VTI1A: variants seen among roughly 807,000 people sequenced by gnomAD.
VTI1A encodes the protein vesicle transport through interaction with t-SNAREs 1A, also known as vesicle transport through interaction with t-SNAREs homolog 1A.
VTI1A carries 22 observed loss-of-function variants against 34.9 expected under a neutral mutation model. That is an observed-to-expected ratio of 0.63 (90% CI 0.45 to 0.90). The LOEUF is 0.90. Among genes scored for constraint, VTI1A ranks in the 40% least tolerant of loss-of-function variants. The pLI, the probability that VTI1A is intolerant of heterozygous loss-of-function variation, is 0.00. For missense variants in VTI1A, 268 were observed against 275.6 expected (o/e 0.97, Z 0.20); for synonymous variants, 87 against 97.3 (o/e 0.89, Z 0.62).
At chr10:112,752,290 G>A in intron 7 of VTI1A, 1 of 871,686 alleles carries the variant, frequency 1.1e-6, no homozygotes, top group Non-Finnish European at 1.4e-6. Context: ...TCCAGCCAGG[G>A]TCCCCTTCTC....
intron 5 of VTI1A, among the ~76,000 whole-genome samples, chr10:112,623,236 A>C (rs1845795420): frequency 6.6e-6 from 1 of 152,266 alleles, no homozygotes; most frequent in Non-Finnish European, 1.5e-5. Context: ...ATCCTTCTTA[A>C]GTAAACAGAA....
At chr10:112,613,204 A>G (rs1564848746) in intron 5 of VTI1A, among the ~76,000 whole-genome samples, 1 of 152,150 alleles carries the variant, frequency 6.6e-6, no homozygotes, top group Non-Finnish European at 1.5e-5. Flanking sequence ...TCAATATACT[A>G]TTTAATAATA....
At chr10:112,787,804 C>T (rs552577224) in intron 7 of VTI1A, among the ~76,000 whole-genome samples, 2 of 147,224 alleles carry the variant, frequency 1.4e-5, no homozygotes, top group Non-Finnish European at 3.0e-5. Context: ...TGTGTTCAAG[C>T]GATTCTCTTG....
chr10:112,628,232 A>AT (rs1166666246), intron 5 of VTI1A, among the ~76,000 whole-genome samples: 4 of 152,222 alleles, frequency 2.6e-5, no homozygotes, highest in African/African-American at 9.6e-5. Context: ...GTTGCTGGAC[A>AT]TTTTTTGTTT....
chr10:112,741,650 A>G (rs1850699105), intron 7 of VTI1A, among the ~76,000 whole-genome samples: 1 of 152,244 alleles, frequency 6.6e-6, no homozygotes, highest in Non-Finnish European at 1.5e-5. Context: ...AGATATTTTC[A>G]GATAAAAAAA....
intron 3 of VTI1A, among the ~76,000 whole-genome samples, chr10:112,526,517 T>C (rs1850229643): frequency 1.3e-5 from 2 of 152,184 alleles, no homozygotes; most frequent in African/African-American, 4.8e-5. Flanking sequence ...TTTAAATTAT[T>C]GTTTGTACAG....
chr10:112,782,524 T>C (rs1034636912), intron 7 of VTI1A, among the ~76,000 whole-genome samples: 3 of 152,248 alleles, frequency 2.0e-5, no homozygotes, highest in African/African-American at 7.2e-5. Context: ...TAGTGAAGTC[T>C]GGCTAAAGAG....
At chr10:112,745,695 G>A (rs1850873355) in intron 7 of VTI1A, among the ~76,000 whole-genome samples, 1 of 152,224 alleles carries the variant, frequency 6.6e-6, no homozygotes, top group East Asian at 1.9e-4. Context: ...AAAGGGAATA[G>A]TAGAAAGTCA....
chr10:112,783,587 C>A (rs772730833), intron 7 of VTI1A, among the ~76,000 whole-genome samples: 18 of 152,200 alleles, frequency 1.2e-4, no homozygotes, highest in Non-Finnish European at 2.2e-4. Context: ...GTTGCCGTGG[C>A]CTTTGGCTTC....
intron 7 of VTI1A, among the ~76,000 whole-genome samples, chr10:112,744,123 G>T (rs201743562): frequency 6.0e-4 from 91 of 152,290 alleles, no homozygotes; most frequent in African/African-American, 2.1e-3. Context: ...TTACGGAAAT[G>T]TCAATTTTAT....
intron 7 of VTI1A, among the ~76,000 whole-genome samples, chr10:112,671,238 A>G (rs1335940925): frequency 1.3e-5 from 2 of 152,136 alleles, no homozygotes; most frequent in African/African-American, 4.8e-5. Flanking sequence ...AGCCCTTGTG[A>G]GCTTGTGTTT....
At chr10:112,576,125 G>T (rs190178161) in intron 5 of VTI1A, among the ~76,000 whole-genome samples, 1 of 150,266 alleles carries the variant, frequency 6.7e-6, no homozygotes, top group Admixed American at 6.7e-5. Context: ...GGTTCACGCC[G>T]TTCTCCTGCC....
chr10:112,830,369 C>A, the VTI1A span, among the ~76,000 whole-genome samples: 2 of 151,332 alleles, frequency 1.3e-5, no homozygotes, highest in African/African-American at 4.9e-5. Context: ...ACTCCAAGCT[C>A]TTTCTCCCCT....
chr10:112,821,394 C>G (rs1342469440), downstream of VTI1A, among the ~76,000 whole-genome samples: 2 of 152,198 alleles, frequency 1.3e-5, no homozygotes, highest in Non-Finnish European at 2.9e-5. Context: ...GAGCCCAGGC[C>G]CTCTCCAGCT....
intron 7 of VTI1A, among the ~76,000 whole-genome samples, chr10:112,703,532 C>T (rs909997767): frequency 2.0e-5 from 3 of 151,988 alleles, no homozygotes; most frequent in Admixed American, 1.3e-4. Context: ...TGCCATTGCA[C>T]TCCAGCCTGG....
chr10:112,815,008 A>G lies in VTI1A; in HGVS notation c.561-282A>G, dbSNP rs187205786. On this transcript the variant is annotated intron_variant, in intron 7 of 7. Coordinates refer to ENST00000393077, the MANE Select transcript of VTI1A (RefSeq NM_145206.4). ...GGCTACATGATTTTCTGAGCCTCGA[A>G]AGCCATTTGATTCGCCTTAGCTTTG... Among the ~76,000 whole-genome samples, 528 of 152,032 alleles carry G rather than the reference A, an allele frequency of 3.5e-3. 4 individuals are homozygous for G. Among genetic ancestry groups the G allele is most frequent in the Non-Finnish European group, 5.5e-3 (377 of 67,974 alleles).
intron 7 of VTI1A, among the ~76,000 whole-genome samples, chr10:112,739,213 G>A (rs1319041736): frequency 6.6e-6 from 1 of 152,068 alleles, no homozygotes; most frequent in Admixed American, 6.6e-5. Flanking sequence ...CCGCCTTATC[G>A]AACCCTTTGT....
chr10:112,581,212 G>A (rs1843922265), intron 5 of VTI1A, among the ~76,000 whole-genome samples: 1 of 152,180 alleles, frequency 6.6e-6, no homozygotes, highest in Non-Finnish European at 1.5e-5. Context: ...GATTGCAGTG[G>A]GCTGGCTGCA....
At chr10:112,591,581 T>C (rs1844394582) in intron 5 of VTI1A, among the ~76,000 whole-genome samples, 1 of 152,190 alleles carries the variant, frequency 6.6e-6, no homozygotes, top group African/African-American at 2.4e-5. Context: ...GTGTACTGTT[T>C]AATTGTTTTA....
Sources: allele counts gnomAD v4.1 joint callset (sites outside exome capture counted in the v4.1 genomes callset), GRCh38; gene constraint gnomAD v4.1.1; transcripts MANE v1.5; gene names NCBI Gene and HGNC (gene_info 2026-07-23, HGNC 2026-07-21).